The following CIDEA variants were observed in gnomAD, a reference collection of about 807,000 sequenced individuals.
The protein encoded by CIDEA is lipid transferase CIDEA.
In CIDEA, 10 loss-of-function variants were observed where a neutral mutation model predicts 18.2. The ratio of observed to expected loss-of-function variants is 0.55; its 90% CI spans 0.34 to 0.93. The LOEUF (loss-of-function observed/expected upper bound fraction) is 0.93. Among genes scored for constraint, CIDEA ranks in the 40% least tolerant of loss-of-function variants. The probability of loss-of-function intolerance (pLI) is 0.02; values close to 1 mark genes in which losing one functional copy is unlikely to be tolerated. For missense variants in CIDEA, 309 were observed against 293.1 expected, an observed-to-expected ratio of 1.05 and a Z score of -0.40; for synonymous variants, 128 against 124.8, an observed-to-expected ratio of 1.03 and a Z score of -0.17.
At chr18:12,262,542 T>C (rs1400421436) in intron 1 of CIDEA, among the ~76,000 whole-genome samples, 1 of 152,214 alleles carries the variant, frequency 6.6e-6, no homozygotes, top group Non-Finnish European at 1.5e-5. Context: ...TTATTTCTTG[T>C]TTGAGTTGAA....
chr18:12,270,466 G>A (rs1049973315), intron 3 of CIDEA, among the ~76,000 whole-genome samples: 1 of 152,114 alleles, frequency 6.6e-6, no homozygotes, highest in African/African-American at 2.4e-5. Context: ...CAAGGTGGGT[G>A]GATCACAAGG....
At chr18:12,263,503 G>C (rs1912256428) in intron 2 of CIDEA, 2 of 152,512 alleles carry the variant, frequency 1.3e-5, no homozygotes, top group Admixed American at 1.3e-4. Context: ...ATGATCAAGG[G>C]GAACATTACA....
chr18:12,264,353 T>C lies in CIDEA; in HGVS notation c.230T>C (p.Leu77Pro), dbSNP rs1417744788. Residue 77 changes from leucine (L) to proline (P), a missense_variant, in exon 3 of 5, where the codon CTG (leucine) becomes CCG (proline). Physicochemically the swap from Leu to Pro is moderately conservative, Grantham distance 98 (BLOSUM62 -3). Transcript: ENST00000320477. ...GCTACCGGACTGGTCACTCTGGTGC[T>C]GGAGGAAGATGGCACCGTGGTGGAC... ...VIATGLVTLV[L>P]EEDGTVVDTE... 2 of 1,614,038 alleles carry C rather than the reference T, an allele frequency of 1.2e-6. No individual in the cohort carries two copies. Among genetic ancestry groups the C allele is most frequent in the South Asian group, 2.2e-5 (2 of 91,068 alleles).
chr18:12,267,429 G>A (rs966738776), intron 3 of CIDEA, among the ~76,000 whole-genome samples: 1 of 152,222 alleles, frequency 6.6e-6, no homozygotes, highest in Admixed American at 6.5e-5. Flanking sequence ...GCATCCATGT[G>A]GATACACATC....
chr18:12,268,316 G>T (rs1435318106), intron 3 of CIDEA, among the ~76,000 whole-genome samples: 1 of 146,648 alleles, frequency 6.8e-6, no homozygotes, highest in Non-Finnish European at 1.5e-5. Flanking sequence ...CTGACCTCAG[G>T]TGATCCACCC....
chr18:12,258,058 C>A (rs375282932), intron 1 of CIDEA, among the ~76,000 whole-genome samples: 20 of 152,296 alleles, frequency 1.3e-4, no homozygotes, highest in East Asian at 1.2e-3. Context: ...AAATCACTCA[C>A]CTCCTCCTTG....
intron 1 of CIDEA, among the ~76,000 whole-genome samples, chr18:12,255,495 C>T (rs1405587210): frequency 1.3e-5 from 2 of 152,118 alleles, no homozygotes; most frequent in Admixed American, 6.5e-5. Context: ...GGCAGGGGGA[C>T]GCTGAGAAAC....
intron 2 of CIDEA, among the ~76,000 whole-genome samples, chr18:12,264,073 A>T (rs1436949948): frequency 6.6e-6 from 1 of 152,168 alleles, no homozygotes; most frequent in African/African-American, 2.4e-5. Context: ...GTGAATAGCC[A>T]CTGCACTCCA....
chr18:12,264,526 GGT>G (rs1912289721), intron 3 of CIDEA, 73 bp downstream of exon 3: 1 of 1,129,552 alleles, frequency 8.9e-7, no homozygotes, highest in Admixed American at 2.6e-5. Context: ...GCCCTACTTG[GGT>G]GTTGACTTGT....
At chr18:12,258,699 C>G (rs1912107018) in intron 1 of CIDEA, among the ~76,000 whole-genome samples, 1 of 152,238 alleles carries the variant, frequency 6.6e-6, no homozygotes. Context: ...CCTGGTCTAG[C>G]CTTTGCTGCC....
At chr18:12,258,951 TC>T (rs1487506431) in intron 1 of CIDEA, among the ~76,000 whole-genome samples, 1 of 152,062 alleles carries the variant, frequency 6.6e-6, no homozygotes, top group African/African-American at 2.4e-5. Context: ...CACCGCCCTC[TC>T]CCCCCGGGTC....
intron 3 of CIDEA, among the ~76,000 whole-genome samples, chr18:12,270,895 T>C (rs1280799855): frequency 1.0e-3 from 10 of 9,902 alleles, no homozygotes; most frequent in African/African-American, 1.8e-3. Flanking sequence ...TTTTCTTTTC[T>C]TTTTTTTTTT....
At chr18:12,259,379 G>T (rs1912127237) in intron 1 of CIDEA, among the ~76,000 whole-genome samples, 1 of 152,182 alleles carries the variant, frequency 6.6e-6, no homozygotes. Context: ...TTCAGAGGAT[G>T]GATAACAAAA....
intron 3 of CIDEA, among the ~76,000 whole-genome samples, chr18:12,268,103 C>T (rs1430871027): frequency 2.0e-5 from 3 of 151,902 alleles, no homozygotes; most frequent in Admixed American, 1.3e-4. Flanking sequence ...CTCGCTCTGT[C>T]GCCCAGGCTG....
At chr18:12,268,087 T>G (rs940134974) in intron 3 of CIDEA, among the ~76,000 whole-genome samples, 1 of 152,062 alleles carries the variant, frequency 6.6e-6, no homozygotes, top group Admixed American at 6.6e-5. Flanking sequence ...TTTTTTGAGA[T>G]GGAGTCTCGC....
intron 3 of CIDEA, among the ~76,000 whole-genome samples, chr18:12,273,832 CA>C (rs1176992950): frequency 6.6e-6 from 1 of 152,226 alleles, no homozygotes; most frequent in African/African-American, 2.4e-5. Context: ...TCCTAAAATC[CA>C]GGCCCTGACG....
chr18:12,263,247 G>A (rs999779905), intron 2 of CIDEA, among the ~76,000 whole-genome samples: 5 of 152,194 alleles, frequency 3.3e-5, no homozygotes, highest in African/African-American at 1.2e-4. Flanking sequence ...CCAAGTGCAT[G>A]CCAGTTTCTT....
At chr18:12,270,314 T>C (rs1912476396) in intron 3 of CIDEA, among the ~76,000 whole-genome samples, 1 of 151,786 alleles carries the variant, frequency 6.6e-6, no homozygotes, top group Non-Finnish European at 1.5e-5. Context: ...ATATTATATA[T>C]ATAACCTCAC....
At chr18:12,268,229 CATTTT>C (rs1912409005) in intron 3 of CIDEA, among the ~76,000 whole-genome samples, 1 of 72,998 alleles carries the variant, frequency 1.4e-5, no homozygotes, top group Non-Finnish European at 2.6e-5. Context: ...CATGCCCGGC[CATTTT>C]TTTTTTTTTT....
Sources: allele counts gnomAD v4.1 joint callset (sites outside exome capture counted in the v4.1 genomes callset), GRCh38; gene constraint gnomAD v4.1.1; transcripts MANE v1.5; gene names NCBI Gene and HGNC (gene_info 2026-07-23, HGNC 2026-07-21).